The following KCNN2 variants were observed in gnomAD, a reference collection of about 807,000 sequenced individuals.
KCNN2 encodes the protein small conductance calcium-activated potassium channel protein 2.
KCNN2 carries 24 observed loss-of-function variants against 55.5 expected under a neutral mutation model. The observed-to-expected ratio is 0.43, with a 90% CI of 0.31 to 0.61. KCNN2 has a LOEUF of 0.61. Among genes scored for constraint, KCNN2 ranks in the 20% least tolerant of loss-of-function variants. The pLI is 0.08. For synonymous variants in KCNN2, 431 were observed against 336.1 expected, an observed-to-expected ratio of 1.28 and a Z score of -3.09; for missense variants, 754 against 853.6, an observed-to-expected ratio of 0.88 and a Z score of 1.45.
chr5:114,463,851 C>T lies in KCNN2; in HGVS notation c.1779+661C>T, dbSNP rs114508294. ...ATCATCACTAGAAAATTGATTTTTACGCTGAAGTGAGAAGGGTCCATACCC... is the reference window on the plus strand; with the variant it reads ...ATCATCACTAGAAAATTGATTTTTATGCTGAAGTGAGAAGGGTCCATACCC... On this transcript the variant is annotated intron_variant, in intron 4 of 7. Transcript: ENST00000673685. Among the ~76,000 whole-genome samples, 783 of 152,158 alleles carry T rather than the reference C, an allele frequency of 5.1e-3. 4 individuals are homozygous for T. The highest frequency in any genetic ancestry group is 0.017 in the African/African-American group (714 of 41,508).
chr5:114,372,178 A>T (rs1205609849), intron 2 of KCNN2, among the ~76,000 whole-genome samples: 1 of 152,200 alleles, frequency 6.6e-6, no homozygotes, highest in Non-Finnish European at 1.5e-5. Flanking sequence ...TGTTCCAGAA[A>T]CGTGGTCGAT....
intron 1 of KCNN2, among the ~76,000 whole-genome samples, chr5:114,110,439 C>T (rs1393789200): frequency 6.6e-6 from 1 of 151,978 alleles, no homozygotes; most frequent in East Asian, 1.9e-4. Flanking sequence ...ATTTCTCTTG[C>T]TCTCAGACAG....
intron 3 of KCNN2, among the ~76,000 whole-genome samples, chr5:114,428,723 C>A (rs1415131564): frequency 6.6e-6 from 1 of 152,114 alleles, no homozygotes. Context: ...TAATCCCTTT[C>A]TTCTCTATTC....
intron 3 of KCNN2, among the ~76,000 whole-genome samples, chr5:114,435,114 C>G (rs918298813): frequency 6.6e-6 from 1 of 151,378 alleles, no homozygotes; most frequent in South Asian, 2.1e-4. Context: ...TCACTCCCCA[C>G]CCCTCACCCC....
At position 114,486,787 on chromosome 5, in the gene KCNN2, AG is replaced by A. The variant is rs1337215098; in HGVS notation, c.1891-262del. 5 of 1,353,086 alleles carry A rather than the reference AG, an allele frequency of 3.7e-6. No homozygotes were observed. The Admixed American group carries it at 9.4e-5, about 25-fold the overall frequency. The allele number at this position is 1,353,086 out of a possible 1,614,324, so 83.8% of individuals were successfully genotyped here. A position where few individuals can be genotyped will look rare whatever the true frequency, so the allele number is the denominator to read the frequency against. ...AAAAAAAAAAATAGTTGAATAAAAA[AG>A]AAGTTTCCTGAAGGAGTAAGATAGA... is the stretch of plus-strand genomic sequence containing the variant. On this transcript the variant is annotated intron_variant, in intron 5 of 7. Coordinates refer to ENST00000673685, the MANE Select transcript of KCNN2 (RefSeq NM_021614.4).
At chr5:114,113,539 G>C (rs534292286) in intron 1 of KCNN2, among the ~76,000 whole-genome samples, 1 of 152,018 alleles carries the variant, frequency 6.6e-6, no homozygotes, top group East Asian at 1.9e-4. Context: ...TTTATCTGAC[G>C]TTAGCTTTTC....
intron 2 of KCNN2, among the ~76,000 whole-genome samples, chr5:114,339,577 C>T (rs992242430): frequency 7.9e-5 from 12 of 151,732 alleles, no homozygotes; most frequent in East Asian, 1.9e-4. Context: ...CTGAGGTGGG[C>T]GGATTGCTTT....
chr5:114,239,136 G>C (rs1754567875), intron 2 of KCNN2, among the ~76,000 whole-genome samples: 1 of 152,164 alleles, frequency 6.6e-6, no homozygotes, highest in Non-Finnish European at 1.5e-5. Context: ...GTGACTCAAA[G>C]TAACTGTAAG....
intron 2 of KCNN2, among the ~76,000 whole-genome samples, chr5:114,390,355 G>A (rs1037127258): frequency 5.9e-5 from 9 of 152,068 alleles, no homozygotes; most frequent in Non-Finnish European, 8.8e-5. Flanking sequence ...ACTGACCATG[G>A]AGGAACTTTG....
At chr5:114,372,927 A>T (rs768834995) in intron 2 of KCNN2, among the ~76,000 whole-genome samples, 1 of 152,116 alleles carries the variant, frequency 6.6e-6, no homozygotes, top group South Asian at 2.1e-4. Flanking sequence ...TATTTTAAAC[A>T]TTTTTTATAA....
intron 2 of KCNN2, among the ~76,000 whole-genome samples, chr5:114,357,042 A>C (rs1458132490): frequency 6.6e-6 from 1 of 152,104 alleles, no homozygotes; most frequent in Non-Finnish European, 1.5e-5. Context: ...GAAAAAAATA[A>C]TTCTCAGAAA....
At chr5:114,143,410 A>AGG (rs1353275897) in intron 1 of KCNN2, among the ~76,000 whole-genome samples, 1 of 152,166 alleles carries the variant, frequency 6.6e-6, no homozygotes, top group African/African-American at 2.4e-5. Context: ...CCATAGAAAC[A>AGG]ACGTGATGCT....
chr5:114,430,466 C>T (rs1265365212), intron 3 of KCNN2, among the ~76,000 whole-genome samples: 1 of 152,060 alleles, frequency 6.6e-6, no homozygotes, highest in African/African-American at 2.4e-5. Context: ...TTGTATCCTG[C>T]AACCTTGCAA....
upstream of KCNN2, among the ~76,000 whole-genome samples, chr5:114,359,829 G>T (rs972739750): frequency 6.6e-6 from 1 of 152,124 alleles, no homozygotes; most frequent in African/African-American, 2.4e-5. Flanking sequence ...TGGATTTTCC[G>T]CATGAGTTGA....
chr5:114,275,146 G>C (rs566194199), intron 2 of KCNN2, among the ~76,000 whole-genome samples: 35 of 152,272 alleles, frequency 2.3e-4, no homozygotes, highest in African/African-American at 8.4e-4. Flanking sequence ...TTATTAATTT[G>C]CATATGTTGA....
chr5:114,397,610 C>A (rs1416076296), intron 2 of KCNN2, among the ~76,000 whole-genome samples: 1 of 152,138 alleles, frequency 6.6e-6, no homozygotes, highest in Non-Finnish European at 1.5e-5. Context: ...TGGTCTTGAA[C>A]TCTTGACCTC....
At chr5:114,136,164 G>T (rs1209871357) in intron 1 of KCNN2, among the ~76,000 whole-genome samples, 1 of 152,200 alleles carries the variant, frequency 6.6e-6, no homozygotes, top group African/African-American at 2.4e-5. Flanking sequence ...CCTTGCAATA[G>T]CCTCTAGTTT....
At chr5:114,330,438 C>A (rs1756795858) in intron 2 of KCNN2, among the ~76,000 whole-genome samples, 1 of 152,228 alleles carries the variant, frequency 6.6e-6, no homozygotes, top group African/African-American at 2.4e-5. Context: ...GAAAGTTAGA[C>A]TGTAACTTTT....
chr5:114,288,499 TACACACAC>T (rs1203371494), intron 2 of KCNN2, among the ~76,000 whole-genome samples: 9 of 139,616 alleles, frequency 6.4e-5, no homozygotes, highest in African/African-American at 2.4e-4. Context: ...TATATATATA[TACACACAC>T]ACACACACAC....
Sources: gnomAD v4.1 joint callset for allele counts (sites outside exome capture counted in the v4.1 genomes callset) on GRCh38, gnomAD v4.1.1 for gene constraint, MANE v1.5 for transcripts, NCBI Gene and HGNC (gene_info 2026-07-23, HGNC 2026-07-21) for gene names.